The following ADAMTS12 variants were observed in gnomAD, a reference collection of about 807,000 sequenced individuals.
ADAMTS12 encodes the protein ADAM metallopeptidase with thrombospondin type 1 motif 12.
ADAMTS12 carries 118 observed loss-of-function variants against 167.8 expected under a neutral mutation model. The observed-to-expected ratio is 0.70, with a 90% CI of 0.61 to 0.82. ADAMTS12 has a LOEUF of 0.82. ADAMTS12 is among the 40% of genes least tolerant of loss of function. The pLI, the probability that ADAMTS12 is intolerant of heterozygous loss-of-function variation, is 0.00. For missense variants in ADAMTS12, 1,916 were observed against 1,998.8 expected (o/e 0.96, Z 0.79); for synonymous variants, 704 against 716.9 (o/e 0.98, Z 0.29).
intron 5 of ADAMTS12, among the ~76,000 whole-genome samples, chr5:33,666,401 C>T (rs887173625): frequency 1.3e-5 from 2 of 152,240 alleles, no homozygotes; most frequent in African/African-American, 4.8e-5. Context: ...GGGAGAGGCT[C>T]AGGTGTTTAT....
intron 7 of ADAMTS12, among the ~76,000 whole-genome samples, chr5:33,651,227 T>C (rs1236614780): frequency 6.6e-6 from 1 of 152,160 alleles, no homozygotes; most frequent in Non-Finnish European, 1.5e-5. Context: ...TGTTCAGTAG[T>C]TAAAATCCTA....
chr5:33,669,418 A>G lies in ADAMTS12; in HGVS notation c.916-7378T>C, dbSNP rs146619651. The stretch of plus-strand genomic sequence containing the variant: ...TATTCAATCTGTGAAATGTTCCACA[A>G]TGAATCCTGTACCAATAGGTAAAGT... On this transcript the variant is annotated intron_variant, in intron 5 of 23. Transcript: ENST00000504830. 3.7e-3 allele frequency among the ~76,000 whole-genome samples: 557 copies of G among 152,300 alleles called. 4 individuals carry two copies. Among genetic ancestry groups the G allele is most frequent in the African/African-American group, 0.013 (537 of 41,572 alleles).
chr5:33,577,507 C>T (rs1341171863), intron 18 of ADAMTS12, among the ~76,000 whole-genome samples: 1 of 152,184 alleles, frequency 6.6e-6, no homozygotes, highest in East Asian at 1.9e-4. Flanking sequence ...TAGTAAGTCA[C>T]ACTGTCTCTT....
At chr5:33,713,944 C>A (rs1169472321) in intron 3 of ADAMTS12, among the ~76,000 whole-genome samples, 1 of 152,116 alleles carries the variant, frequency 6.6e-6, no homozygotes, top group African/African-American at 2.4e-5. Flanking sequence ...CTGACACCAA[C>A]CTTCTTTTAC....
At chr5:33,534,746 G>C in intron 23 of ADAMTS12, 87 bp downstream of exon 23, 2 of 1,479,904 alleles carry the variant, frequency 1.4e-6, no homozygotes. Flanking sequence ...TTCAGTAAAA[G>C]AAATGTAAAG....
chr5:33,593,403 T>G (rs1186211358), intron 17 of ADAMTS12, among the ~76,000 whole-genome samples: 1 of 152,174 alleles, frequency 6.6e-6, no homozygotes, highest in Non-Finnish European at 1.5e-5. Flanking sequence ...GACTCTACAA[T>G]TTGTAGCTAA....
intron 2 of ADAMTS12, among the ~76,000 whole-genome samples, chr5:33,877,843 C>T (rs1750286560): frequency 6.6e-6 from 1 of 152,134 alleles, no homozygotes; most frequent in South Asian, 2.1e-4. Context: ...AAATGAGTCT[C>T]AAATCACAGA....
At chr5:33,631,702 T>C (rs531093714) in intron 12 of ADAMTS12, among the ~76,000 whole-genome samples, 4 of 152,278 alleles carry the variant, frequency 2.6e-5, no homozygotes, top group African/African-American at 9.6e-5. Flanking sequence ...CCTTAAAAAT[T>C]TTAATAGTGA....
chr5:33,844,361 AT>A (rs1415870319), intron 2 of ADAMTS12, among the ~76,000 whole-genome samples: 6 of 152,340 alleles, frequency 3.9e-5, no homozygotes, highest in Admixed American at 2.0e-4. Context: ...CAGGAGAAAT[AT>A]TGCTAAATTC....
At chr5:33,733,017 T>C (rs1329506273) in intron 3 of ADAMTS12, among the ~76,000 whole-genome samples, 1 of 151,466 alleles carries the variant, frequency 6.6e-6, no homozygotes, top group Non-Finnish European at 1.5e-5. Flanking sequence ...GTGGGTTTTA[T>C]TATATATTAT....
At chr5:33,785,419 T>C (rs1190447743) in intron 2 of ADAMTS12, among the ~76,000 whole-genome samples, 1 of 152,102 alleles carries the variant, frequency 6.6e-6, no homozygotes. Context: ...ACCATGTATC[T>C]GACAAAAGAC....
At chr5:33,766,110 C>T (rs1472078725) in intron 2 of ADAMTS12, among the ~76,000 whole-genome samples, 2 of 152,144 alleles carry the variant, frequency 1.3e-5, no homozygotes, top group African/African-American at 4.8e-5. Context: ...GGAGGTGGAA[C>T]TTAACTGCCC....
intron 5 of ADAMTS12, among the ~76,000 whole-genome samples, chr5:33,668,024 C>T (rs1285677452): frequency 6.6e-6 from 1 of 152,184 alleles, no homozygotes; most frequent in Admixed American, 6.5e-5. Flanking sequence ...CAAATTCTCA[C>T]CCCAAGCAAC....
chr5:33,569,065 C>A (rs1002308170), intron 19 of ADAMTS12, among the ~76,000 whole-genome samples: 8 of 152,258 alleles, frequency 5.3e-5, no homozygotes, highest in African/African-American at 1.9e-4. Context: ...ATTGCCCAGG[C>A]TCACTTAGGT....
At chr5:33,776,552 C>T (rs751725764) in intron 2 of ADAMTS12, among the ~76,000 whole-genome samples, 3 of 152,044 alleles carry the variant, frequency 2.0e-5, no homozygotes, top group Non-Finnish European at 4.4e-5. Context: ...CATACCAAAA[C>T]TTATGGAACG....
intron 3 of ADAMTS12, among the ~76,000 whole-genome samples, chr5:33,703,786 G>A (rs896096890): frequency 3.3e-5 from 5 of 152,110 alleles, no homozygotes; most frequent in African/African-American, 9.7e-5. Flanking sequence ...GGAGGTATTG[G>A]TTTGGGCTGA....
chr5:33,763,971 T>C (rs945704947), intron 2 of ADAMTS12, among the ~76,000 whole-genome samples: 1 of 152,104 alleles, frequency 6.6e-6, no homozygotes, highest in African/African-American at 2.4e-5. Flanking sequence ...TTGATACAGC[T>C]GTTAAGAACA....
intron 2 of ADAMTS12, among the ~76,000 whole-genome samples, chr5:33,835,325 GA>G (rs1416337335): frequency 6.6e-6 from 1 of 152,182 alleles, no homozygotes; most frequent in African/African-American, 2.4e-5. Context: ...GCTTTTTACT[GA>G]GAGTCCATAG....
intron 2 of ADAMTS12, among the ~76,000 whole-genome samples, chr5:33,786,705 G>C (rs1423487): frequency 0.05 from 7,565 of 152,240 alleles, 666 homozygotes; most frequent in African/African-American, 0.17. Flanking sequence ...AACAAGCACA[G>C]CCCATGTCTG....
Sources: allele counts gnomAD v4.1 joint callset (sites outside exome capture counted in the v4.1 genomes callset), GRCh38; gene constraint gnomAD v4.1.1; transcripts MANE v1.5; gene names NCBI Gene and HGNC (gene_info 2026-07-23, HGNC 2026-07-21).